Variants in RBFOX1 observed in about 807,000 individuals in gnomAD.
RBFOX1 encodes the protein RNA binding fox-1 homolog 1.
Under a neutral mutation model 57.7 loss-of-function variants are expected in RBFOX1, and 8 were observed. The observed-to-expected ratio is 0.14, with a 90% CI of 0.08 to 0.25. RBFOX1 has a LOEUF of 0.25. RBFOX1 is among the 10% of genes least tolerant of loss of function. The pLI is 1.00. For missense variants in RBFOX1, 611 were observed against 548.5 expected (o/e 1.11, Z -1.14); for synonymous variants, 326 against 222.4 (o/e 1.47, Z -4.15).
At chr16:7,436,302 CA>C (rs1292062311) in intron 4 of RBFOX1, among the ~76,000 whole-genome samples, 3 of 152,110 alleles carry the variant, frequency 2.0e-5, no homozygotes, top group African/African-American at 7.2e-5. Flanking sequence ...TTGGTTTTCC[CA>C]TCCTCTTTCA....
chr16:5,654,687 G>A (rs931983298), intron 3 of RBFOX1, among the ~76,000 whole-genome samples: 1 of 152,118 alleles, frequency 6.6e-6, no homozygotes, highest in Non-Finnish European at 1.5e-5. Flanking sequence ...GACTGACCAA[G>A]TCTGGGTCCT....
At chr16:7,668,753 A>G (rs1490104557) in intron 13 of RBFOX1, among the ~76,000 whole-genome samples, 4 of 152,170 alleles carry the variant, frequency 2.6e-5, no homozygotes, top group East Asian at 1.9e-4. Flanking sequence ...TATGTTCACT[A>G]TTATTGCTTA....
At chr16:7,443,821 A>T (rs1026098302) in intron 4 of RBFOX1, among the ~76,000 whole-genome samples, 1 of 152,148 alleles carries the variant, frequency 6.6e-6, no homozygotes, top group African/African-American at 2.4e-5. Context: ...CAGACAGATG[A>T]ACTATTTTAA....
At chr16:6,803,537 G>A (rs543455695) in intron 3 of RBFOX1, among the ~76,000 whole-genome samples, 3 of 152,196 alleles carry the variant, frequency 2.0e-5, no homozygotes, top group African/African-American at 7.2e-5. Context: ...TTCCTAAATG[G>A]AAAACAGATA....
chr16:7,410,637 A>T (rs1273397704), intron 4 of RBFOX1, among the ~76,000 whole-genome samples: 2 of 152,198 alleles, frequency 1.3e-5, no homozygotes, highest in African/African-American at 2.4e-5. Flanking sequence ...AGATTGTGCC[A>T]TTGCACTCCA....
At chr16:7,549,551 C>G (rs897341858) in intron 5 of RBFOX1, among the ~76,000 whole-genome samples, 4 of 152,128 alleles carry the variant, frequency 2.6e-5, no homozygotes, top group African/African-American at 9.7e-5. Context: ...CAGTCCGAGT[C>G]CTAGAGCCTC....
intron 2 of RBFOX1, among the ~76,000 whole-genome samples, chr16:6,336,715 G>A (rs1330145392): frequency 6.6e-6 from 1 of 152,150 alleles, no homozygotes; most frequent in Non-Finnish European, 1.5e-5. Flanking sequence ...TGGATGAGAT[G>A]ATAGATGTGG....
chr16:7,116,065 C>G (rs575611023), intron 4 of RBFOX1, among the ~76,000 whole-genome samples: 172 of 152,216 alleles, frequency 1.1e-3, no homozygotes, highest in African/African-American at 4.0e-3. Context: ...CATAACAGCC[C>G]TTTCTCAGTG....
intron 3 of RBFOX1, among the ~76,000 whole-genome samples, chr16:6,988,745 TTGTTTGTTTTTTG>T (rs1568246258): frequency 8.1e-4 from 45 of 55,228 alleles, no homozygotes; most frequent in South Asian, 6.8e-4. Flanking sequence ...TTTTTTTTGT[TTGTTTGTTTTTTG>T]TTTTTTGTTT....
intron 13 of RBFOX1, among the ~76,000 whole-genome samples, chr16:7,675,703 C>T (rs891749243): frequency 2.0e-5 from 3 of 151,394 alleles, no homozygotes; most frequent in African/African-American, 7.4e-5. Flanking sequence ...CTACCTTTCC[C>T]TCTCATGATT....
intron 3 of RBFOX1, among the ~76,000 whole-genome samples, chr16:5,797,777 C>T (rs1193349140): frequency 4.6e-5 from 7 of 152,214 alleles, no homozygotes; most frequent in Admixed American, 4.6e-4. Flanking sequence ...GATAAGCAGC[C>T]ACACAGCAGA....
chr16:5,742,352 T>C (rs1056812884), intron 3 of RBFOX1, among the ~76,000 whole-genome samples: 5 of 98,662 alleles, frequency 5.1e-5, no homozygotes, highest in Non-Finnish European at 8.9e-5. Flanking sequence ...TAACTTTCCT[T>C]CCTTCCTTCC....
chr16:6,397,043 G>T (rs139788325), intron 2 of RBFOX1, among the ~76,000 whole-genome samples: 12 of 152,220 alleles, frequency 7.9e-5, no homozygotes, highest in South Asian at 6.2e-4. Context: ...ATTATTAACA[G>T]AAGACTAGTG....
chr16:7,551,658 GTT>G (rs1437615271), intron 5 of RBFOX1, among the ~76,000 whole-genome samples: 2 of 152,160 alleles, frequency 1.3e-5, no homozygotes, highest in Non-Finnish European at 1.5e-5. Flanking sequence ...GCAGGTAGGA[GTT>G]ACTCTAGCTG....
rs574766359 is a variant in RBFOX1 at position 5,517,009 on chromosome 16, T to C, written c.258+49755T>C. On this transcript the variant is annotated intron_variant, in intron 2 of 2. Coordinates refer to the RBFOX1 transcript ENST00000585867. ...CTGACTTTCTTCCTGTTTTTTTTTT[T>C]TTCAATCAAAAGTCTCCTGGGCAAG... Among the ~76,000 whole-genome samples, 4 of 152,226 alleles carry C rather than the reference T, an allele frequency of 2.6e-5. No individual in the cohort carries two copies. In the East Asian group the frequency reaches 5.8e-4, roughly 22 times the overall value.
chr16:7,027,344 C>G (rs1462153403), intron 3 of RBFOX1, among the ~76,000 whole-genome samples: 2 of 152,070 alleles, frequency 1.3e-5, no homozygotes, highest in Non-Finnish European at 2.9e-5. Context: ...GTCTCTGTGC[C>G]AGGAACTGCT....
At chr16:6,555,364 T>G (rs2097079192) in intron 2 of RBFOX1, among the ~76,000 whole-genome samples, 1 of 152,174 alleles carries the variant, frequency 6.6e-6, no homozygotes, top group Non-Finnish European at 1.5e-5. Flanking sequence ...AATATGGGTT[T>G]GACCACACAG....
At chr16:5,910,804 T>C (rs893713384) in intron 4 of RBFOX1, among the ~76,000 whole-genome samples, 3 of 152,182 alleles carry the variant, frequency 2.0e-5, no homozygotes, top group African/African-American at 7.2e-5. Flanking sequence ...TTTCTCTGTG[T>C]GCAGTGCAGG....
chr16:6,652,354 A>T (rs758210230), intron 2 of RBFOX1, among the ~76,000 whole-genome samples: 1 of 152,126 alleles, frequency 6.6e-6, no homozygotes, highest in Non-Finnish European at 1.5e-5. Context: ...AGGCTGAGGC[A>T]GAAGAATCAC....
Sources: allele counts gnomAD v4.1 joint callset (sites outside exome capture counted in the v4.1 genomes callset), GRCh38; gene constraint gnomAD v4.1.1; transcripts MANE v1.5; gene names NCBI Gene and HGNC (gene_info 2026-07-23, HGNC 2026-07-21).